Variants in XKR6 observed in about 807,000 individuals in gnomAD.
The protein encoded by XKR6 is XK related 6, also known as XK-related protein 6.
Under a neutral mutation model 56.7 loss-of-function variants are expected in XKR6, and 22 were observed. That is an observed-to-expected ratio of 0.39 (90% confidence interval 0.28 to 0.55). The LOEUF is 0.55. XKR6 is among the 20% of genes least tolerant of loss of function. The pLI, the probability that XKR6 is intolerant of heterozygous loss-of-function variation, is 0.66. For missense variants in XKR6, 852 were observed against 889.0 expected (o/e 0.96, Z 0.53); for synonymous variants, 524 against 387.8 (o/e 1.35, Z -4.13).
At chr8:11,123,779 A>T in intron 1 of XKR6, 1 of 434,004 alleles carries the variant, frequency 2.3e-6, no homozygotes, top group Admixed American at 2.5e-5. Context: ...AAAAACAAAA[A>T]AGTCTCCTCA....
chr8:11,137,676 C>A (rs1219215285), intron 1 of XKR6: 1 of 456,218 alleles, frequency 2.2e-6, no homozygotes, highest in South Asian at 1.5e-5. Context: ...ATGTGGAGCA[C>A]AAGCAGCGGA....
At chr8:11,146,697 T>C (rs1214772156) in intron 1 of XKR6, among the ~76,000 whole-genome samples, 1 of 151,268 alleles carries the variant, frequency 6.6e-6, no homozygotes, top group Non-Finnish European at 1.5e-5. Context: ...AAGATATTAT[T>C]ATGAGAATGA....
intron 1 of XKR6, among the ~76,000 whole-genome samples, chr8:11,131,773 A>T (rs1242928340): frequency 6.6e-6 from 1 of 152,140 alleles, no homozygotes; most frequent in Non-Finnish European, 1.5e-5. Context: ...TTAGATACAC[A>T]AATACTTACC....
intron 1 of XKR6, among the ~76,000 whole-genome samples, chr8:10,951,302 G>C (rs55722350): frequency 1.4e-5 from 2 of 147,358 alleles, no homozygotes; most frequent in Non-Finnish European, 3.0e-5. Context: ...TGTGTGTGGG[G>C]GGGGGGGGCC....
chr8:11,061,646 G>A (rs1418633937), intron 1 of XKR6, among the ~76,000 whole-genome samples: 1 of 152,100 alleles, frequency 6.6e-6, no homozygotes, highest in Non-Finnish European at 1.5e-5. Flanking sequence ...AGACCACCCT[G>A]GCCTGGTGGG....
At chr8:11,193,350 G>T (rs556291099) in intron 1 of XKR6, among the ~76,000 whole-genome samples, 1 of 152,220 alleles carries the variant, frequency 6.6e-6, no homozygotes, top group South Asian at 2.1e-4. Context: ...TTTTTTGTTA[G>T]AAATCTGTAA....
chr8:11,105,258 T>C (rs752155314), intron 1 of XKR6: 1 of 152,220 alleles, frequency 6.6e-6, no homozygotes, highest in South Asian at 2.1e-4. Context: ...AACTCAGGGT[T>C]ACAAACTTTT....
At chr8:11,091,612 A>G (rs536541590) in intron 1 of XKR6, among the ~76,000 whole-genome samples, 39 of 152,174 alleles carry the variant, frequency 2.6e-4, no homozygotes, top group Middle Eastern at 6.8e-3. Flanking sequence ...ATAGGGGAGG[A>G]GGCAGTGGGA....
intron 1 of XKR6, among the ~76,000 whole-genome samples, chr8:10,993,970 T>G (rs907127192): frequency 4.6e-5 from 7 of 152,326 alleles, no homozygotes; most frequent in African/African-American, 1.7e-4. Flanking sequence ...CCACCAAGCC[T>G]TGCTCTGCCC....
intron 1 of XKR6, among the ~76,000 whole-genome samples, chr8:10,930,210 A>T (rs1439479408): frequency 6.6e-6 from 1 of 152,196 alleles, no homozygotes; most frequent in Non-Finnish European, 1.5e-5. Context: ...CTGGGCCCAC[A>T]GTCTCCAGCT....
chr8:11,180,800 G>A lies in XKR6; in HGVS notation c.764+19776C>T, dbSNP rs117915116. Among the ~76,000 whole-genome samples, 360 of 152,216 alleles carry A rather than the reference G, an allele frequency of 2.4e-3. 4 individuals carry two copies. The highest frequency in any genetic ancestry group is 0.018 in the East Asian group (92 of 5,180). ...CCTGCACCTGTAGTCCCAGCTTCTC[G>A]GGAGGCTGAGGCAGGAGGAGCACAC... is the stretch of plus-strand genomic sequence containing the variant. On this transcript the variant is annotated intron_variant, in intron 1 of 2. Coordinates refer to ENST00000416569, the MANE Select transcript of XKR6 (RefSeq NM_173683.4).
At chr8:11,172,578 T>C (rs1802435477) in intron 1 of XKR6, among the ~76,000 whole-genome samples, 1 of 152,182 alleles carries the variant, frequency 6.6e-6, no homozygotes, top group African/African-American at 2.4e-5. Context: ...GACCTCCCTG[T>C]TCTGAGCAGT....
At chr8:11,148,906 A>C (rs191481777) in intron 1 of XKR6, among the ~76,000 whole-genome samples, 42 of 152,364 alleles carry the variant, frequency 2.8e-4, no homozygotes, top group Non-Finnish European at 4.6e-4. Context: ...ATGCTGAGTA[A>C]GCGAAACAGA....
intron 1 of XKR6, among the ~76,000 whole-genome samples, chr8:11,140,986 A>C (rs912784466): frequency 6.6e-6 from 1 of 152,074 alleles, no homozygotes; most frequent in African/African-American, 2.4e-5. Context: ...TATATGAAAG[A>C]CTGCTGTGAG....
intron 1 of XKR6, among the ~76,000 whole-genome samples, chr8:10,954,866 C>CCTTTTTTTTTTTTTTTTTTTT (rs1554515116): frequency 1.1e-5 from 1 of 92,794 alleles, no homozygotes; most frequent in Admixed American, 1.1e-4. Flanking sequence ...ACTTCATTCT[C>CCTTTTTTTTTTTTTTTTTTTT]TTTTTTTTTT....
chr8:11,024,408 C>G (rs150893170), intron 1 of XKR6, among the ~76,000 whole-genome samples: 1 of 152,274 alleles, frequency 6.6e-6, no homozygotes, highest in East Asian at 1.9e-4. Context: ...GGAGCTATGA[C>G]AGAACCCATG....
chr8:11,096,220 T>G (rs902080799), intron 1 of XKR6, among the ~76,000 whole-genome samples: 1 of 152,250 alleles, frequency 6.6e-6, no homozygotes, highest in Admixed American at 6.5e-5. Context: ...ACAAGGATAC[T>G]TCCTTGCAGC....
chr8:11,059,713 C>T (rs544872747), intron 1 of XKR6, among the ~76,000 whole-genome samples: 282 of 149,556 alleles, frequency 1.9e-3, no homozygotes, highest in African/African-American at 6.4e-3. Context: ...GTCTCTGTTC[C>T]CCGGCTCCCC....
intron 1 of XKR6, among the ~76,000 whole-genome samples, chr8:11,096,799 T>C (rs1284220197): frequency 2.6e-5 from 4 of 152,264 alleles, no homozygotes; most frequent in African/African-American, 7.2e-5. Flanking sequence ...TATCTTTGTA[T>C]TGCAGTTTTT....
Sources: allele counts gnomAD v4.1 joint callset (sites outside exome capture counted in the v4.1 genomes callset), GRCh38; gene constraint gnomAD v4.1.1; transcripts MANE v1.5; gene names NCBI Gene and HGNC (gene_info 2026-07-23, HGNC 2026-07-21).